NRCAM: variants seen among roughly 807,000 people sequenced by gnomAD.
NRCAM encodes the protein NgCAM-related cell adhesion molecule.
A neutral mutation model predicts 156.5 loss-of-function variants in NRCAM; 83 were observed. The ratio of observed to expected loss-of-function variants is 0.53; its 90% CI spans 0.44 to 0.64. The LOEUF (loss-of-function observed/expected upper bound fraction) is 0.64, where lower values mean the gene tolerates loss of function less well. Among genes scored for constraint, NRCAM ranks in the 30% least tolerant of loss-of-function variants. NRCAM has a pLI of 0.00. For synonymous variants in NRCAM, 538 were observed against 563.9 expected, an observed-to-expected ratio of 0.95 and a Z score of 0.65; for missense variants, 1,417 against 1,597.3, an observed-to-expected ratio of 0.89 and a Z score of 1.92.
chr7:108,399,386 C>A (rs2099785570), intron 2 of NRCAM, 50 bp downstream of exon 2: 1 of 152,144 alleles, frequency 6.6e-6, no homozygotes, highest in Admixed American at 6.5e-5. Flanking sequence ...GGAAGACAGA[C>A]CAGTTAATTC....
At chr7:108,208,822 A>G (rs950465720) in intron 12 of NRCAM, among the ~76,000 whole-genome samples, 2 of 152,156 alleles carry the variant, frequency 1.3e-5, no homozygotes, top group African/African-American at 4.8e-5. Flanking sequence ...ATGGGGGAAT[A>G]TATGATATCA....
Position 108,198,002 on chromosome 7 carries a change from A to G in NRCAM, c.1305T>C (p.Ser435=). ...RSSAVYQCNA[S]NEYGYLLANA... is the part of the protein sequence containing the mutation. ...TTGCCAGTAAATATCCATATTCATTAGAGGCATTGCACTGATAGACTGCAC... is the reference window on the plus strand; with the variant it reads ...TTGCCAGTAAATATCCATATTCATTGGAGGCATTGCACTGATAGACTGCAC... The change falls in exon 14 of 33, where the codon TCT becomes TCC. Residue 435 remains serine, a synonymous_variant. Transcript: ENST00000379028. 6.3e-7 allele frequency: 1 copy of G among 1,588,648 alleles called. No homozygotes were observed. The highest frequency in any genetic ancestry group is 8.6e-7 in the Non-Finnish European group (1 of 1,168,310).
At chr7:108,161,499 C>A (rs1481193014) in intron 30 of NRCAM, among the ~76,000 whole-genome samples, 2 of 152,128 alleles carry the variant, frequency 1.3e-5, no homozygotes, top group African/African-American at 4.8e-5. Context: ...TTTTAAAAGA[C>A]CTTTATTTTC....
chr7:108,206,424 C>A (rs2081186760), intron 13 of NRCAM, among the ~76,000 whole-genome samples: 1 of 152,160 alleles, frequency 6.6e-6, no homozygotes, highest in South Asian at 2.1e-4. Context: ...TGAGGGCTAT[C>A]TTTATTGTGA....
chr7:108,285,311 T>C (rs765921947), intron 3 of NRCAM, among the ~76,000 whole-genome samples: 7 of 152,376 alleles, frequency 4.6e-5, no homozygotes, highest in Middle Eastern at 3.4e-3. Flanking sequence ...CTCACAGGAA[T>C]AGCTGTTTGT....
intron 13 of NRCAM, among the ~76,000 whole-genome samples, chr7:108,205,338 A>T (rs1034405022): frequency 1.3e-5 from 2 of 152,206 alleles, no homozygotes; most frequent in East Asian, 3.9e-4. Flanking sequence ...TGTTGTTTAT[A>T]AATTACCCAG....
rs1439266209 is a variant in NRCAM at position 108,191,248 on chromosome 7, G to GT, written c.1933+5dup. The stretch of plus-strand genomic sequence containing the variant: ...AAACAGAGAAAGAAGACTCATATTA[G>GT]TTTACCGTAAACGGGAGCTGGAGTT... On this transcript the variant is annotated splice_donor_region_variant and intron_variant, in intron 19 of 32. Transcript: ENST00000379028. 1.2e-6 allele frequency: 2 copies of GT among 1,603,356 alleles called. No individual in the cohort carries two copies. The highest frequency in any genetic ancestry group is 2.3e-5 in the South Asian group (2 of 88,874).
intron 15 of NRCAM, among the ~76,000 whole-genome samples, chr7:108,194,929 C>T (rs1454190021): frequency 6.6e-6 from 1 of 152,080 alleles, no homozygotes; most frequent in Non-Finnish European, 1.5e-5. Context: ...GGACTTAAAC[C>T]TCGGGTGGCA....
intron 2 of NRCAM, among the ~76,000 whole-genome samples, chr7:108,352,001 A>G (rs1053997644): frequency 6.6e-6 from 1 of 151,996 alleles, no homozygotes; most frequent in Non-Finnish European, 1.5e-5. Context: ...ACCCCTCTCA[A>G]AGCAGAGATG....
At chr7:108,413,761 A>G (rs1183594895) in intron 1 of NRCAM, among the ~76,000 whole-genome samples, 1 of 152,210 alleles carries the variant, frequency 6.6e-6, no homozygotes, top group African/African-American at 2.4e-5. Context: ...CAGCCAATAG[A>G]AATTCATTTG....
chr7:108,319,373 T>C (rs140737912), intron 2 of NRCAM, among the ~76,000 whole-genome samples: 12 of 152,300 alleles, frequency 7.9e-5, no homozygotes, highest in Non-Finnish European at 1.8e-4. Context: ...GAGGATGCAG[T>C]AATAAACAGA....
chr7:108,254,599 G>A (rs867409614), intron 3 of NRCAM, among the ~76,000 whole-genome samples: 27 of 148,722 alleles, frequency 1.8e-4, no homozygotes, highest in African/African-American at 6.9e-4. Context: ...CCAGGCTGGA[G>A]TATAATAGCG....
chr7:108,296,997 C>T (rs2154136817), intron 3 of NRCAM, among the ~76,000 whole-genome samples: 1 of 152,268 alleles, frequency 6.6e-6, no homozygotes, highest in Non-Finnish European at 1.5e-5. Flanking sequence ...TGAGAACAAG[C>T]ATTTTTACTT....
Position 108,237,742 on chromosome 7 carries a change from G to T in NRCAM, c.124+10C>A. 1 of 1,580,944 alleles carries T rather than the reference G, an allele frequency of 6.3e-7. No individual in the cohort carries two copies. Among genetic ancestry groups the T allele is most frequent in the Non-Finnish European group, 8.6e-7 (1 of 1,164,596 alleles). ...TCACACTGCCTAGTAATTTATAGAAGGACACTTACAGTCTTCAAGAAGTTT... is the reference window on the plus strand; with the variant it reads ...TCACACTGCCTAGTAATTTATAGAATGACACTTACAGTCTTCAAGAAGTTT... On this transcript the variant is annotated intron_variant, in intron 5 of 32. Transcript: ENST00000379028.
rs563413982 is a variant in NRCAM, at chr7:108,149,162, A to C, written c.*748T>G. On this transcript the variant is annotated 3_prime_UTR_variant, in exon 33 of 33. Transcript: ENST00000379028. The stretch of plus-strand genomic sequence containing the variant: ...GTTTTTGATTCTTTCAGTATGGCAC[A>C]AATGCCGAAATGCACTGCAATACAC... 5 of 152,654 alleles carry C rather than the reference A, an allele frequency of 3.3e-5. No homozygotes were observed. Among genetic ancestry groups the C allele is most frequent in the Non-Finnish European group, 7.3e-5 (5 of 68,030 alleles). 9.5% of individuals were successfully genotyped at this position (152,654 alleles called of 1,614,324 possible).
intron 2 of NRCAM, among the ~76,000 whole-genome samples, chr7:108,319,009 T>C (rs1002541750): frequency 1.3e-5 from 2 of 152,220 alleles, no homozygotes; most frequent in African/African-American, 4.8e-5. Context: ...CATTGTTTAA[T>C]GGGTATTGAG....
chr7:108,249,939 C>G (rs974719767), intron 3 of NRCAM, among the ~76,000 whole-genome samples: 1 of 152,168 alleles, frequency 6.6e-6, no homozygotes, highest in African/African-American at 2.4e-5. Context: ...ATACAACCCA[C>G]AATTCCACTG....
At chr7:108,217,831 T>C (rs1457824266) in intron 11 of NRCAM, among the ~76,000 whole-genome samples, 1 of 152,188 alleles carries the variant, frequency 6.6e-6, no homozygotes, top group Non-Finnish European at 1.5e-5. Flanking sequence ...GAATTTCAAA[T>C]CAGTGGATCT....
At chr7:108,153,411 A>G (rs1422534024) in intron 32 of NRCAM, among the ~76,000 whole-genome samples, 1 of 152,146 alleles carries the variant, frequency 6.6e-6, no homozygotes, top group Non-Finnish European at 1.5e-5. Context: ...TGATAAAAAC[A>G]TTAGGAATAG....
Sources: gnomAD v4.1 joint callset for allele counts (sites outside exome capture counted in the v4.1 genomes callset) on GRCh38, gnomAD v4.1.1 for gene constraint, MANE v1.5 for transcripts, NCBI Gene and HGNC (gene_info 2026-07-23, HGNC 2026-07-21) for gene names.